Variants in DPP9 observed in about 807,000 individuals in gnomAD.
The protein encoded by DPP9 is dipeptidyl peptidase 9.
A neutral mutation model predicts 110.7 loss-of-function variants in DPP9; 50 were observed. The ratio of observed to expected loss-of-function variants is 0.45; its 90% confidence interval spans 0.36 to 0.57. The LOEUF is 0.57. Among genes scored for constraint, DPP9 ranks in the 20% least tolerant of loss-of-function variants. The pLI, the probability that DPP9 is intolerant of heterozygous loss-of-function variation, is 0.00. For synonymous variants in DPP9, 561 were observed against 514.4 expected, an observed-to-expected ratio of 1.09 and a Z score of -1.23; for missense variants, 1,022 against 1,217.9, an observed-to-expected ratio of 0.84 and a Z score of 2.39.
Position 4,702,132 on chromosome 19 carries a change from G to A in DPP9, c.907C>T (p.Arg303Ter). Residue 303 changes from arginine (R) to a stop codon, truncating the protein, a stop_gained, in exon 9 of 22, where the codon CGA (arginine) becomes TGA (stop). Coordinates refer to ENST00000262960, the MANE Select transcript of DPP9 (RefSeq NM_139159.5). LOFTEE classifies it high-confidence loss of function. Reference sequence around the variant, plus strand: ...TCATCGACTTCCTCATACAGGATTCGCAGCGTCTTGAGGCCCTCTGAACCT... The same window carrying A: ...TCATCGACTTCCTCATACAGGATTCACAGCGTCTTGAGGCCCTCTGAACCT... ...WEGSEGLKTL[R>*]ILYEEVDESE... The A allele has an allele frequency of 6.2e-7, 1 of 1,613,522 alleles. No individual in the cohort carries two copies. The highest frequency in any genetic ancestry group is 2.2e-5 in the East Asian group (1 of 44,882).
At chr19:4,720,867 T>C (rs1206199581) in intron 2 of DPP9, among the ~76,000 whole-genome samples, 1 of 152,186 alleles carries the variant, frequency 6.6e-6, no homozygotes, top group East Asian at 1.9e-4. Flanking sequence ...TGGAATAAAC[T>C]TCCCATGGAA....
chr19:4,712,938 C>T (rs1050303397), intron 4 of DPP9, among the ~76,000 whole-genome samples: 14 of 152,208 alleles, frequency 9.2e-5, no homozygotes, highest in East Asian at 1.9e-4. Context: ...CTGCAGCACA[C>T]GCGGGCCTGG....
intron 18 of DPP9, chr19:4,683,879 C>A (rs1438893894): frequency 2.8e-6 from 4 of 1,439,394 alleles, no homozygotes; most frequent in African/African-American, 1.4e-5. Flanking sequence ...CTGAGGGCGT[C>A]AGTTTGCCCA....
chr19:4,684,589 G>A lies in DPP9; in HGVS notation c.2178+74C>T, dbSNP rs2145409199. On this transcript the variant is annotated intron_variant, in intron 18 of 21. Coordinates refer to ENST00000262960, the MANE Select transcript of DPP9 (RefSeq NM_139159.5). The surrounding 1 kb of genome is among the most constrained non-coding windows in gnomAD (Gnocchi z 4.8). ...GGTGGTATTCCAGAGCCGCTCCCAT[G>A]CCCTGCACCCACACGGCCCAGGGCT... 2 of 1,567,584 alleles carry A rather than the reference G, an allele frequency of 1.3e-6. No homozygotes were observed.
intron 21 of DPP9, among the ~76,000 whole-genome samples, chr19:4,678,065 C>T (rs893451678): frequency 1.3e-5 from 2 of 152,176 alleles, no homozygotes; most frequent in African/African-American, 4.8e-5. Context: ...TGAGACAGGA[C>T]CCTGGGCCCA....
At chr19:4,703,683 A>C (rs1269158045) in intron 7 of DPP9, among the ~76,000 whole-genome samples, 1 of 138,644 alleles carries the variant, frequency 7.2e-6, no homozygotes, top group Non-Finnish European at 1.5e-5. Context: ...AAAAAAAAAA[A>C]AGAAAGAAAG....
chr19:4,689,746 G>A lies in DPP9; in HGVS notation c.1597-24C>T, dbSNP rs956610622. ...ATCTGCAGGGGGACAGGGGATCCTC[G>A]TGATGCGTCCCAGATGCCCCTGGGC... is the stretch of plus-strand genomic sequence containing the variant. On this transcript the variant is annotated intron_variant, in intron 14 of 21. Coordinates refer to ENST00000262960, the MANE Select transcript of DPP9 (RefSeq NM_139159.5). The surrounding 1 kb of genome is among the most constrained non-coding windows in gnomAD (Gnocchi z 7.0). 6.5e-7 allele frequency: 1 copy of A among 1,536,142 alleles called. No individual in the cohort carries two copies. Among genetic ancestry groups the A allele is most frequent in the African/African-American group, 1.4e-5 (1 of 72,652 alleles).
chr19:4,714,383 C>T, intron 3 of DPP9, 46 bp from the exon 4 acceptor site: 1 of 1,454,596 alleles, frequency 6.9e-7, no homozygotes, highest in South Asian at 1.4e-5. Flanking sequence ...ACTGTTTTAC[C>T]TACGAGCTGC....
At chr19:4,677,170 AGGCAGTAACAT>A (rs978892050) in intron 21 of DPP9, among the ~76,000 whole-genome samples, 10 of 152,156 alleles carry the variant, frequency 6.6e-5, no homozygotes, top group Admixed American at 2.0e-4. Flanking sequence ...GCCAAGAGGC[AGGCAGTAACAT>A]GGAACTCCCC....
Position 4,679,933 on chromosome 19 carries a change from G to C in DPP9, c.2488C>G (p.Leu830Val), listed in dbSNP as rs925288360. Residue 830 changes from leucine (L) to valine (V), a missense_variant, in exon 21 of 22, where the codon CTT (leucine) becomes GTT (valine). Physicochemically the swap from Leu to Val is conservative, Grantham distance 32 (BLOSUM62 1). Transcript: ENST00000262960. Reference sequence around the variant, plus strand: ...TCGTCCAGGAAGCCGTGGAGGATAAGCAAGCGGTTGGGCCTGGAAAACAGA... The same window carrying C: ...TCGTCCAGGAAGCCGTGGAGGATAACCAAGCGGTTGGGCCTGGAAAACAGA... ...EKLPNEPNRLLILHGFLDENV... is the reference protein window; with the variant it reads ...EKLPNEPNRLVILHGFLDENV... The C allele has an allele frequency of 6.2e-7, 1 of 1,612,504 alleles. No individual in the cohort carries two copies. The highest frequency in any genetic ancestry group is 2.2e-5 in the East Asian group (1 of 44,864).
In DPP9 at chr19:4,676,442, C is replaced by T; in HGVS notation, c.*122G>A. ...GAAGGCAGCGGCTCCTCGGGGCTGGCCAGCGCTGGGCGGGACAAAGTGCCT... is the reference window on the plus strand; with the variant it reads ...GAAGGCAGCGGCTCCTCGGGGCTGGTCAGCGCTGGGCGGGACAAAGTGCCT... On this transcript the variant is annotated 3_prime_UTR_variant, in exon 22 of 22. Transcript: ENST00000262960. This position sits in a 1 kb window ranked among gnomAD's most constrained non-coding sequence, Gnocchi z 4.0. The T allele has an allele frequency of 1.2e-6, 1 of 835,000 alleles. No homozygotes were observed. The highest frequency in any genetic ancestry group is 1.5e-5 in the South Asian group (1 of 66,210). 51.7% of individuals were successfully genotyped at this position (835,000 alleles called of 1,614,324 possible).
At chr19:4,722,390 G>C (rs2093361606) in intron 2 of DPP9, 109 bp downstream of exon 2, 1 of 641,410 alleles carries the variant, frequency 1.6e-6, no homozygotes, top group African/African-American at 1.8e-5. Flanking sequence ...CAACCATCCA[G>C]GGCCATAGAA....
intron 14 of DPP9, 131 bp downstream of exon 14, chr19:4,690,747 G>A (rs767784751): frequency 7.1e-5 from 53 of 747,518 alleles, no homozygotes; most frequent in South Asian, 2.8e-4. Flanking sequence ...GTGTGTGTGC[G>A]TGTGTGTATG....
At chr19:4,696,830 A>G (rs949901088) in intron 11 of DPP9, among the ~76,000 whole-genome samples, 1 of 152,222 alleles carries the variant, frequency 6.6e-6, no homozygotes, top group Non-Finnish European at 1.5e-5. Context: ...GCAGCACATA[A>G]TAGAATTCAT....
At chr19:4,688,546 A>T in intron 16 of DPP9, 1 of 575,356 alleles carries the variant, frequency 1.7e-6, no homozygotes, top group Non-Finnish European at 2.7e-6. Context: ...CCGGCCCTTT[A>T]CTGCAGCTCG....
rs775504603 is a variant in DPP9 at position 4,695,569 on chromosome 19, T to C, written c.1176-14A>G. The C allele has an allele frequency of 6.2e-6, 9 of 1,444,892 alleles. No homozygotes were observed. The highest frequency in any genetic ancestry group is 3.7e-4 in the Middle Eastern group (2 of 5,338). 89.5% of individuals were successfully genotyped at this position (1,444,892 alleles called of 1,614,324 possible). On this transcript the variant is annotated splice_polypyrimidine_tract_variant and intron_variant, in intron 11 of 21. Coordinates refer to ENST00000262960, the MANE Select transcript of DPP9 (RefSeq NM_139159.5). The surrounding 1 kb of genome is among the most constrained non-coding windows in gnomAD (Gnocchi z 4.7). ...ATGGCCCAGGCGCTAAGGGGGAAGA[T>C]GCGGGGGAAGATGAGAGGGAAGCTG...
chr19:4,679,848 G>A lies in DPP9; in HGVS notation c.2573C>T (p.Pro858Leu). 1 of 1,611,814 alleles carries A rather than the reference G, an allele frequency of 6.2e-7. No homozygotes were observed. Among genetic ancestry groups the A allele is most frequent in the Non-Finnish European group, 8.5e-7 (1 of 1,178,992 alleles). Residue 858 changes from proline to leucine, a missense_variant, in exon 21 of 22, where the codon CCT becomes CTT. Around this residue, in one of 3 missense-constraint regions of DPP9, gnomAD observed 209 missense variants for 280.4 expected, o/e 0.75. Transcript: ENST00000262960. ...ACAGCCACCCACCTGGAGCTGGTAA[G>A]GTTTCCCTGCTCGGATCAGTTGGGA... ...LVSQLIRAGK[P>L]YQLQIYPNER...
chr19:4,691,384 G>C (rs1209041058), intron 13 of DPP9, among the ~76,000 whole-genome samples: 2 of 151,958 alleles, frequency 1.3e-5, no homozygotes, highest in Non-Finnish European at 2.9e-5. Context: ...ATTGAGCTGG[G>C]AGGACTGCTT....
intron 18 of DPP9, chr19:4,683,937 G>A (rs1220752446): frequency 2.2e-6 from 2 of 899,302 alleles, no homozygotes; most frequent in African/African-American, 1.7e-5. Context: ...TTTCTAGAGG[G>A]CACAAGGAAG....
Sources: allele counts gnomAD v4.1 joint callset (sites outside exome capture counted in the v4.1 genomes callset), GRCh38; gene constraint gnomAD v4.1.1; regional missense constraint gnomAD v4.1.1; non-coding constraint Gnocchi (gnomAD v3.1); transcripts MANE v1.5; gene names NCBI Gene and HGNC (gene_info 2026-07-23, HGNC 2026-07-21).